Variants in ATP2B2 observed in about 807,000 individuals in gnomAD.
The protein encoded by ATP2B2 is plasma membrane calcium-transporting ATPase 2.
A neutral mutation model predicts 120.0 loss-of-function variants in ATP2B2; 15 were observed. The observed-to-expected ratio is 0.12, with a 90% CI of 0.08 to 0.19. ATP2B2 has a LOEUF of 0.19. Among genes scored for constraint, ATP2B2 ranks in the 10% least tolerant of loss-of-function variants. The pLI is 1.00. For missense variants in ATP2B2, 1,045 were observed against 1,719.8 expected, an observed-to-expected ratio of 0.61 and a Z score of 6.94; for synonymous variants, 694 against 700.3, an observed-to-expected ratio of 0.99 and a Z score of 0.14.
At chr3:10,561,394 G>C (rs867908103) in intron 2 of ATP2B2, among the ~76,000 whole-genome samples, 1 of 152,166 alleles carries the variant, frequency 6.6e-6, no homozygotes, top group East Asian at 1.9e-4. Flanking sequence ...ACCCCCCAGC[G>C]GTCCCCTGGC....
chr3:10,667,380 T>C (rs2070969238), intron 1 of ATP2B2, among the ~76,000 whole-genome samples: 1 of 152,168 alleles, frequency 6.6e-6, no homozygotes, highest in Non-Finnish European at 1.5e-5. Flanking sequence ...CTCTGGAGGC[T>C]GAGGGGGCTG....
At chr3:10,356,642 G>C (rs764232943) in intron 14 of ATP2B2, among the ~76,000 whole-genome samples, 8 of 152,338 alleles carry the variant, frequency 5.3e-5, no homozygotes, top group Admixed American at 4.6e-4. Context: ...GGCCCGGGAA[G>C]GGGGAGGCTG....
At chr3:10,403,527 C>A (rs372611022) in intron 3 of ATP2B2, among the ~76,000 whole-genome samples, 1 of 152,252 alleles carries the variant, frequency 6.6e-6, no homozygotes, top group African/African-American at 2.4e-5. Context: ...CCACAAGGGT[C>A]CTGAGAGCAA....
chr3:10,555,098 A>G (rs1220994441), intron 2 of ATP2B2, among the ~76,000 whole-genome samples: 1 of 152,220 alleles, frequency 6.6e-6, no homozygotes, highest in East Asian at 1.9e-4. Context: ...CAGGCAGCCC[A>G]AAGCCTATGG....
chr3:10,396,217 C>T (rs1255219775), intron 5 of ATP2B2, among the ~76,000 whole-genome samples: 2 of 152,226 alleles, frequency 1.3e-5, no homozygotes, highest in East Asian at 1.9e-4. Flanking sequence ...ACCTCACAAC[C>T]GCAGGGTTTG....
chr3:10,379,636 C>T (rs1459036401), intron 8 of ATP2B2, among the ~76,000 whole-genome samples: 1 of 152,162 alleles, frequency 6.6e-6, no homozygotes, highest in Admixed American at 6.5e-5. Context: ...AGCACTCAGG[C>T]CCCCACACCA....
chr3:10,443,132 T>C (rs1297196730), intron 2 of ATP2B2, among the ~76,000 whole-genome samples: 1 of 152,218 alleles, frequency 6.6e-6, no homozygotes, highest in East Asian at 1.9e-4. Flanking sequence ...TCTTTAGCCA[T>C]GTTATATTTC....
At chr3:10,578,796 T>A (rs996252394) in intron 2 of ATP2B2, among the ~76,000 whole-genome samples, 1 of 152,076 alleles carries the variant, frequency 6.6e-6, no homozygotes, top group Non-Finnish European at 1.5e-5. Flanking sequence ...TTGAGTGAAA[T>A]AAGCCAGGCA....
At chr3:10,466,815 C>T (rs1294996182) in intron 1 of ATP2B2, among the ~76,000 whole-genome samples, 1 of 152,182 alleles carries the variant, frequency 6.6e-6, no homozygotes, top group Admixed American at 6.5e-5. Context: ...TTCCATTTCA[C>T]AAGTAAGAAA....
chr3:10,480,408 G>A (rs1265384530), intron 1 of ATP2B2, among the ~76,000 whole-genome samples: 2 of 152,202 alleles, frequency 1.3e-5, no homozygotes, highest in Admixed American at 6.5e-5. Flanking sequence ...CCCTCCTGGG[G>A]TATCTGGGCC....
intron 2 of ATP2B2, among the ~76,000 whole-genome samples, chr3:10,439,831 C>T (rs1162959460): frequency 6.6e-6 from 1 of 152,092 alleles, no homozygotes; most frequent in Non-Finnish European, 1.5e-5. Context: ...GCTTGGTTCA[C>T]TGCAATCTTT....
Position 10,462,334 on chromosome 3 carries a change from G to A in ATP2B2, c.-319-12472C>T, listed in dbSNP as rs117350139. 2.2e-4 allele frequency among the ~76,000 whole-genome samples: 34 copies of A among 152,230 alleles called. No homozygotes were observed. In the East Asian group the frequency reaches 3.1e-3, roughly 14 times the overall value. ...CTAATCCTTCCCTCATGTCCAGTCC[G>A]GTGACCAGACCCAGGAAGCATCAGC... On this transcript the variant is annotated intron_variant, in intron 1 of 22. Coordinates refer to ENST00000360273, the MANE Select transcript of ATP2B2 (RefSeq NM_001001331.4).
Position 10,347,094 on chromosome 3 carries a change from C to G in ATP2B2, c.2405-957G>C, listed in dbSNP as rs80287091. ...CGGAATGTCGTTTTCCTGCTTCCCC[C>G]CTTGGTCTCAGGATAACATCCATGT... On this transcript the variant is annotated intron_variant, in intron 16 of 22. Coordinates refer to ENST00000360273, the MANE Select transcript of ATP2B2 (RefSeq NM_001001331.4). The surrounding 1 kb of genome is among the most constrained non-coding windows in gnomAD (Gnocchi z 5.2). Among the ~76,000 whole-genome samples, 349 of 152,234 alleles carry G rather than the reference C, an allele frequency of 2.3e-3. 2 individuals carry two copies. Among genetic ancestry groups the G allele is most frequent in the South Asian group, 0.017 (82 of 4,824 alleles).
intron 2 of ATP2B2, among the ~76,000 whole-genome samples, chr3:10,538,369 C>T (rs768602852): frequency 6.6e-6 from 1 of 152,184 alleles, no homozygotes; most frequent in Non-Finnish European, 1.5e-5. Flanking sequence ...CTCCCTAATT[C>T]ATTTTATGAG....
At position 10,486,324 on chromosome 3, in the gene ATP2B2, C is replaced by CGTGT. The variant is rs1553616064; in HGVS notation, c.-320+19137_-320+19140dup. Among the ~76,000 whole-genome samples the CGTGT allele has an allele frequency of 8.3e-3, 975 of 117,146 alleles. 12 individuals carry two copies. Among genetic ancestry groups the CGTGT allele is most frequent in the African/African-American group, 0.023 (848 of 37,470 alleles). The allele number at this position is 117,146 out of a possible 152,430, so 76.9% of individuals were successfully genotyped here. ...AACAGCAGCCAGGTGTGTGTGCGTG[C>CGTGT]GTGTGTGTGTGTGTGTGTGTGTGTG... On this transcript the variant is annotated intron_variant, in intron 1 of 22. Transcript: ENST00000360273.
Position 10,329,053 on chromosome 3 carries a change from G to A in ATP2B2, c.3493C>T (p.His1165Tyr). The A allele has an allele frequency of 6.2e-7, 1 of 1,614,056 alleles. No homozygotes were observed. Among genetic ancestry groups the A allele is most frequent in the Non-Finnish European group, 8.5e-7 (1 of 1,180,026 alleles). The change falls in exon 23 of 23, where the codon CAT (histidine) becomes TAT (tyrosine). Residue 1165 changes from histidine (H) to tyrosine (Y), a missense_variant. Coordinates refer to ENST00000360273, the MANE Select transcript of ATP2B2 (RefSeq NM_001001331.4). This position sits in a 1 kb window ranked among gnomAD's most constrained non-coding sequence, Gnocchi z 5.9. ...AATTCAGGATGAGCCATGAAGTTAT[G>A]GATGGAGGTTCGAGATTCAGGCTTT... Reference protein sequence around the residue: ...LEKPESRTSIHNFMAHPEFRI... With the variant: ...LEKPESRTSIYNFMAHPEFRI...
chr3:10,586,279 T>C (rs559598023), intron 2 of ATP2B2, among the ~76,000 whole-genome samples: 8 of 152,304 alleles, frequency 5.3e-5, no homozygotes, highest in Non-Finnish European at 1.0e-4. Context: ...GAGAGAAGGA[T>C]GCTGGGAGCA....
intron 14 of ATP2B2, among the ~76,000 whole-genome samples, chr3:10,353,524 G>A (rs148379231): frequency 0.017 from 2,523 of 152,344 alleles, 41 homozygotes; most frequent in Non-Finnish European, 0.021. Flanking sequence ...AGGGGCTGAG[G>A]GAAGATGTGG....
intron 14 of ATP2B2, among the ~76,000 whole-genome samples, chr3:10,353,184 C>T (rs547203302): frequency 2.0e-5 from 3 of 152,318 alleles, no homozygotes; most frequent in East Asian, 3.9e-4. Context: ...CAGGTCTATA[C>T]AAAAGACTCT....
Sources: gnomAD v4.1 joint callset for allele counts (sites outside exome capture counted in the v4.1 genomes callset) on GRCh38, gnomAD v4.1.1 for gene constraint, Gnocchi (gnomAD v3.1) non-coding constraint, MANE v1.5 for transcripts, NCBI Gene and HGNC (gene_info 2026-07-23, HGNC 2026-07-21) for gene names.